The following NAE1 variants were observed in gnomAD, a reference collection of about 807,000 sequenced individuals.
The protein encoded by NAE1 is NEDD8-activating enzyme E1 regulatory subunit.
Under a neutral mutation model 88.0 loss-of-function variants are expected in NAE1, and 59 were observed. That is an observed-to-expected ratio of 0.67 (90% CI 0.54 to 0.83). The LOEUF is 0.83. Among genes scored for constraint, NAE1 ranks in the 40% least tolerant of loss-of-function variants. NAE1 has a pLI of 0.00. For missense variants in NAE1, 554 were observed against 632.8 expected, an observed-to-expected ratio of 0.88 and a Z score of 1.34; for synonymous variants, 186 against 208.9, an observed-to-expected ratio of 0.89 and a Z score of 0.95.
chr16:66,828,985 T>C (rs1372049687), intron 1 of NAE1, among the ~76,000 whole-genome samples: 1 of 139,386 alleles, frequency 7.2e-6, no homozygotes, highest in Admixed American at 6.8e-5. Context: ...TGAGACCTTG[T>C]CCCTGAAAAA....
intron 16 of NAE1, 163 bp downstream of exon 16, chr16:66,808,826 A>G: frequency 5.0e-6 from 3 of 604,686 alleles, no homozygotes; most frequent in Non-Finnish European, 5.5e-6. Flanking sequence ...AGTTTCATAT[A>G]ATATATAAAT....
intron 15 of NAE1, 78 bp downstream of exon 15, chr16:66,810,296 C>T: frequency 1.7e-6 from 2 of 1,198,694 alleles, no homozygotes; most frequent in Non-Finnish European, 2.4e-6. Flanking sequence ...AAATTTCAAC[C>T]ATTCAAAATA....
rs774715334 is a variant in NAE1 at position 66,828,049 on chromosome 16, G to T, written c.54-1269C>A. 7.4e-6 allele frequency: 12 copies of T among 1,613,686 alleles called. No homozygotes were observed. The African/African-American group carries it at 1.6e-4, about 22-fold the overall frequency. On this transcript the variant is annotated intron_variant, in intron 1 of 19. Transcript: ENST00000290810. ...CCACTGTATGCTCCATAAGGGCCCAGACAGCTGTCAAATGTATGGAGGAAT... is the reference window on the plus strand; with the variant it reads ...CCACTGTATGCTCCATAAGGGCCCATACAGCTGTCAAATGTATGGAGGAAT...
intron 3 of NAE1, among the ~76,000 whole-genome samples, chr16:66,825,173 T>C (rs997622297): frequency 6.6e-6 from 1 of 151,668 alleles, no homozygotes; most frequent in South Asian, 2.1e-4. Context: ...CACCGGCGGG[T>C]GTGGTGGCTC....
In NAE1 at chr16:66,810,769, G is replaced by A; in HGVS notation, c.1038C>T (p.Tyr346=). 6.2e-7 allele frequency: 1 copy of A among 1,613,364 alleles called. No individual in the cohort carries two copies. The highest frequency in any genetic ancestry group is 1.3e-5 in the African/African-American group (1 of 74,980). The part of the protein sequence containing the change: ...SGKYIKLQNV[Y]REKAKKDAAA... ...CAGCATCTTTCTTTGCTTTTTCACGGTAACTAAAAAAGAATAAAAAGCAAT... is the reference window on the plus strand; with the variant it reads ...CAGCATCTTTCTTTGCTTTTTCACGATAACTAAAAAAGAATAAAAAGCAAT... Residue 346 remains tyrosine, a synonymous_variant, in exon 14 of 20, where the codon TAC becomes TAT. Transcript: ENST00000290810.
At chr16:66,811,146 C>A (rs1479265715) in intron 13 of NAE1, among the ~76,000 whole-genome samples, 3 of 152,156 alleles carry the variant, frequency 2.0e-5, no homozygotes, top group Non-Finnish European at 1.5e-5. Context: ...TAAAACTGTT[C>A]ATCTCCAATG....
intron 1 of NAE1, chr16:66,828,013 A>G: frequency 6.2e-7 from 1 of 1,613,954 alleles, no homozygotes; most frequent in South Asian, 1.1e-5. Flanking sequence ...CTGAGCATCC[A>G]TCTTTCCACT....
At chr16:66,828,142 C>T in intron 1 of NAE1, 2 of 1,196,338 alleles carry the variant, frequency 1.7e-6, no homozygotes, top group Non-Finnish European at 2.4e-6. Flanking sequence ...GTAGAAGACA[C>T]CTGACATATA....
At chr16:66,807,746 A>C (rs1438283682) in intron 17 of NAE1, among the ~76,000 whole-genome samples, 1 of 152,188 alleles carries the variant, frequency 6.6e-6, no homozygotes, top group Non-Finnish European at 1.5e-5. Context: ...AATCCTGCAC[A>C]ATTAAAATTA....
intron 1 of NAE1, among the ~76,000 whole-genome samples, chr16:66,830,118 C>A (rs1023362881): frequency 3.3e-5 from 5 of 152,166 alleles, no homozygotes; most frequent in Non-Finnish European, 5.9e-5. Flanking sequence ...AACTCCTGAC[C>A]TCAGGTGATC....
At chr16:66,822,028 G>A (rs1597047983) in intron 6 of NAE1, among the ~76,000 whole-genome samples, 1 of 151,938 alleles carries the variant, frequency 6.6e-6, no homozygotes, top group East Asian at 1.9e-4. Context: ...CACACCATCT[G>A]GCTAAATTTT....
In NAE1 at chr16:66,827,212, C is replaced by T. The variant is rs527712663; in HGVS notation, c.54-432G>A. 5.9e-5 allele frequency among the ~76,000 whole-genome samples: 9 copies of T among 152,084 alleles called. 2 individuals carry two copies. In the South Asian group the frequency reaches 1.9e-3, roughly 32 times the overall value. ...GGCATGATCTCAGCTCACTTGGCCT[C>T]CCAAAATGCTGGGATTACAGGTGTG... On this transcript the variant is annotated intron_variant, in intron 1 of 19. Coordinates refer to ENST00000290810, the MANE Select transcript of NAE1 (RefSeq NM_003905.4).
chr16:66,824,751 C>G, intron 4 of NAE1, 104 bp downstream of exon 4: 4 of 1,070,654 alleles, frequency 3.7e-6, no homozygotes, highest in Non-Finnish European at 5.4e-6. Context: ...TAACTTTTTT[C>G]TCAGAGAAAT....
At chr16:66,810,897 G>A in intron 13 of NAE1, 125 bp from the exon 14 acceptor site, 1 of 763,040 alleles carries the variant, frequency 1.3e-6, no homozygotes, top group Non-Finnish European at 2.2e-6. Flanking sequence ...TATGAAATGT[G>A]AAAATGCCAG....
chr16:66,826,597 C>T lies in NAE1; in HGVS notation c.158-14G>A. Reference sequence around the variant, plus strand: ...ACGAACCAATACCTGAGAGCCAAAACAGAGTCAGTCAGGAATACATAGTTC... The same window carrying T: ...ACGAACCAATACCTGAGAGCCAAAATAGAGTCAGTCAGGAATACATAGTTC... On this transcript the variant is annotated splice_polypyrimidine_tract_variant and intron_variant, in intron 2 of 19. Transcript: ENST00000290810. The T allele has an allele frequency of 6.2e-7, 1 of 1,614,106 alleles. No individual in the cohort carries two copies. Among genetic ancestry groups the T allele is most frequent in the Non-Finnish European group, 8.5e-7 (1 of 1,179,996 alleles).
rs1960479259 is a variant in NAE1, at chr16:66,826,757, T to G, written c.77A>C (p.Glu26Ala). 2 of 1,613,696 alleles carry G rather than the reference T, an allele frequency of 1.2e-6. No homozygotes were observed. The highest frequency in any genetic ancestry group is 2.7e-5 in the African/African-American group (2 of 75,040). ...QLRLWGDHGQ[E>A]ALESAHVCLI... ...GCAAACATGAGCAGATTCTAAAGCC[T>G]CTTGCCCATGATCACCCCACAACCT... Residue 26 changes from glutamate to alanine, a missense_variant, in exon 2 of 20, where the codon GAG becomes GCG. Glu to Ala is a moderately radical substitution (Grantham distance 107). Coordinates refer to ENST00000290810, the MANE Select transcript of NAE1 (RefSeq NM_003905.4).
chr16:66,826,299 G>A (rs997725283), intron 3 of NAE1: 8 of 544,382 alleles, frequency 1.5e-5, no homozygotes, highest in Non-Finnish European at 2.6e-5. Context: ...CTACTCCTTT[G>A]TATTAATAAC....
At chr16:66,827,053 C>G (rs1033046040) in intron 1 of NAE1, among the ~76,000 whole-genome samples, 2 of 152,182 alleles carry the variant, frequency 1.3e-5, no homozygotes, top group African/African-American at 4.8e-5. Flanking sequence ...AAGAGCGACA[C>G]TCTGTCTCAA....
chr16:66,821,070 AAAAAAC>A (rs1192759490), intron 7 of NAE1, among the ~76,000 whole-genome samples: 2 of 151,500 alleles, frequency 1.3e-5, no homozygotes, highest in African/African-American at 4.8e-5. Context: ...ACTCTGTCTT[AAAAAAC>A]AAAAAAAAGA....
Sources: gnomAD v4.1 joint callset for allele counts (sites outside exome capture counted in the v4.1 genomes callset) on GRCh38, gnomAD v4.1.1 for gene constraint, MANE v1.5 for transcripts, NCBI Gene and HGNC (gene_info 2026-07-23, HGNC 2026-07-21) for gene names.